The following PRMT1 variants were observed in gnomAD, a reference collection of about 807,000 sequenced individuals.
PRMT1 encodes protein arginine N-methyltransferase 1.
A neutral mutation model predicts 47.4 loss-of-function variants in PRMT1; 5 were observed. The observed-to-expected ratio is 0.11, with a 90% confidence interval of 0.06 to 0.22. The LOEUF (loss-of-function observed/expected upper bound fraction) is 0.22. Ranked by LOEUF, PRMT1 falls within the 10% of genes least tolerant of loss-of-function variation. The pLI is 1.00. For missense variants in PRMT1, 249 were observed against 518.4 expected (o/e 0.48, Z 5.05); for synonymous variants, 227 against 204.6 (o/e 1.11, Z -0.94).
intron 1 of PRMT1, 156 bp from the exon 2 acceptor site, chr19:49,679,716 C>G: frequency 3.0e-6 from 2 of 662,654 alleles, no homozygotes; most frequent in Non-Finnish European, 5.5e-6. Context: ...CTTTCTTAAA[C>G]ACCCCACCTC....
Position 49,684,764 on chromosome 19 carries a change from G to A in PRMT1, c.566G>A (p.Gly189Asp). The change falls in exon 7 of 11, where the codon GGC becomes GAC. Residue 189 changes from glycine (G) to aspartate (D), a missense_variant. This residue lies in a region of PRMT1 where 190 missense variants were observed against 456.7 expected (regional missense o/e 0.42). Transcript: ENST00000454376. The surrounding 1 kb of genome is among the most constrained non-coding windows in gnomAD (Gnocchi z 6.2). ...CCTGCCCCTCTGTAGGCGCCCGATG[G>A]CCTCATCTTCCCAGACCGGGCCACG... is the stretch of plus-strand genomic sequence containing the variant. ...YARDKWLAPD[G>D]LIFPDRATLY... 6.4e-7 allele frequency: 1 copy of A among 1,557,848 alleles called. No individual in the cohort carries two copies. Among genetic ancestry groups the A allele is most frequent in the Non-Finnish European group, 8.7e-7 (1 of 1,150,618 alleles).
Position 49,680,333 on chromosome 19 carries a change from G to C in PRMT1, c.91-154G>C. On this transcript the variant is annotated intron_variant, in intron 2 of 10. Coordinates refer to ENST00000454376, the MANE Select transcript of PRMT1 (RefSeq NM_001536.6). This position sits in a 1 kb window ranked among gnomAD's most constrained non-coding sequence, Gnocchi z 4.2. ...GGGGTTGTTAGGTTTTGGGGTTCCT[G>C]GGGGGGCAAGATGGCAGGCGGGGGC... 1.7e-6 allele frequency: 2 copies of C among 1,181,664 alleles called. No homozygotes were observed. Among genetic ancestry groups the C allele is most frequent in the African/African-American group, 1.5e-5 (1 of 65,926 alleles). 73.2% of individuals were successfully genotyped at this position (1,181,664 alleles called of 1,614,324 possible).
Position 49,684,968 on chromosome 19 carries a change from G to A in PRMT1, c.690G>A (p.Val230=). The part of the protein sequence containing the change: ...YGFDMSCIKD[V]AIKEPLVDVV... ...TCGACATGTCTTGCATCAAAGATGTGGCCATTAAGGAGCCCCTAGTGGATG... is the reference window on the plus strand; with the variant it reads ...TCGACATGTCTTGCATCAAAGATGTAGCCATTAAGGAGCCCCTAGTGGATG... The change falls in exon 8 of 11, where the codon GTG becomes GTA. Residue 230 remains valine, a synonymous_variant. Coordinates refer to ENST00000454376, the MANE Select transcript of PRMT1 (RefSeq NM_001536.6). This position sits in a 1 kb window ranked among gnomAD's most constrained non-coding sequence, Gnocchi z 6.2. 1 of 1,605,418 alleles carries A rather than the reference G, an allele frequency of 6.2e-7. No individual in the cohort carries two copies. The highest frequency in any genetic ancestry group is 8.5e-7 in the Non-Finnish European group (1 of 1,174,316).
chr19:49,677,239 G>GC (rs1161623493), upstream of PRMT1: 2 of 1,414,016 alleles, frequency 1.4e-6, no homozygotes, highest in Non-Finnish European at 9.3e-7. Context: ...GAGGAGAAAG[G>GC]GGGGGTCTTG....
At position 49,681,718 on chromosome 19, in the gene PRMT1, A is replaced by G. The variant is rs960496562; in HGVS notation, c.193-192A>G. On this transcript the variant is annotated intron_variant, in intron 3 of 10. Transcript: ENST00000454376. This position sits in a 1 kb window ranked among gnomAD's most constrained non-coding sequence, Gnocchi z 4.4. The stretch of plus-strand genomic sequence containing the variant: ...GCACCATTGCACTCCAGCCTGGGCA[A>G]CAGAGTGAGATTCCATCTCAAAAAA... Among the ~76,000 whole-genome samples the G allele has an allele frequency of 2.0e-4, 30 of 152,170 alleles. 1 individual carries two copies. Among genetic ancestry groups the G allele is most frequent in the Non-Finnish European group, 4.0e-4 (27 of 68,030 alleles).
At position 49,685,743 on chromosome 19, in the gene PRMT1, T is replaced by G; in HGVS notation, c.760-350T>G. 1.9e-6 allele frequency: 2 copies of G among 1,076,892 alleles called. No individual in the cohort carries two copies. The highest frequency in any genetic ancestry group is 7.6e-5 in the East Asian group (1 of 13,134). 66.7% of individuals were successfully genotyped at this position (1,076,892 alleles called of 1,614,324 possible). A position where few individuals can be genotyped will look rare whatever the true frequency, so the allele number is the denominator to read the frequency against. On this transcript the variant is annotated intron_variant, in intron 8 of 10. Coordinates refer to ENST00000454376, the MANE Select transcript of PRMT1 (RefSeq NM_001536.6). This position sits in a 1 kb window ranked among gnomAD's most constrained non-coding sequence, Gnocchi z 4.7. Reference sequence around the variant, plus strand: ...AACTGGCGCAGGGTTTAGGTTGGCATTTGTGTTGCCGTTTGAAGCCATCAT... The same window carrying G: ...AACTGGCGCAGGGTTTAGGTTGGCAGTTGTGTTGCCGTTTGAAGCCATCAT...
At chr19:49,679,559 G>A in intron 1 of PRMT1, 2 of 657,420 alleles carry the variant, frequency 3.0e-6, no homozygotes, top group Admixed American at 2.0e-5. Context: ...AGCTGGCGGT[G>A]GTGGGTGCCA....
At chr19:49,679,236 C>G (rs986880697) in intron 1 of PRMT1, among the ~76,000 whole-genome samples, 3 of 152,120 alleles carry the variant, frequency 2.0e-5, no homozygotes, top group African/African-American at 7.2e-5. Context: ...TGCCCATCTT[C>G]CCTGGGACCC....
At position 49,682,265 on chromosome 19, in the gene PRMT1, C is replaced by T. The variant is rs2082129950; in HGVS notation, c.412+6C>T. 1.2e-6 allele frequency: 2 copies of T among 1,612,350 alleles called. No homozygotes were observed. The highest frequency in any genetic ancestry group is 1.7e-6 in the Non-Finnish European group (2 of 1,179,648). ...AGCCAACAAGTTAGACCACGGTGAG[C>T]CCAGAAAGAGGATGGGTTTGTGGGA... is the stretch of plus-strand genomic sequence containing the variant. On this transcript the variant is annotated splice_donor_region_variant and intron_variant, in intron 5 of 10. Coordinates refer to ENST00000454376, the MANE Select transcript of PRMT1 (RefSeq NM_001536.6).
rs752053828 is a variant in PRMT1, at chr19:49,683,968, C to T, written c.454C>T (p.Pro152Ser). 3 of 1,613,778 alleles carry T rather than the reference C, an allele frequency of 1.9e-6. No homozygotes were observed. Among genetic ancestry groups the T allele is most frequent in the African/African-American group, 2.7e-5 (2 of 74,826 alleles). ...GGGGAAGGTGGAGGAGGTGGAGCTC[C>T]CAGTGGAGAAGGTGGACATCATCAT... ...IKGKVEEVELPVEKVDIIISE... is the reference protein window; with the variant it reads ...IKGKVEEVELSVEKVDIIISE... The change falls in exon 6 of 11, where the codon CCA becomes TCA. Residue 152 changes from proline to serine, a missense_variant. This residue lies in a region of PRMT1 where 190 missense variants were observed against 456.7 expected (regional missense o/e 0.42). Coordinates refer to ENST00000454376, the MANE Select transcript of PRMT1 (RefSeq NM_001536.6).
At chr19:49,677,248 TGGC>T, upstream of PRMT1, 4 of 1,414,484 alleles carry the variant, frequency 2.8e-6, no homozygotes, top group Non-Finnish European at 2.8e-6. Context: ...GGGGGGGTCT[TGGC>T]GGCCGGAGGA....
chr19:49,680,088 C>T lies in PRMT1; in HGVS notation c.90+163C>T. 1 of 1,082,330 alleles carries T rather than the reference C, an allele frequency of 9.2e-7. No homozygotes were observed. The highest frequency in any genetic ancestry group is 1.4e-5 in the South Asian group (1 of 71,468). 67.0% of individuals were successfully genotyped at this position (1,082,330 alleles called of 1,614,324 possible). On this transcript the variant is annotated intron_variant, in intron 2 of 10. Transcript: ENST00000454376. The surrounding 1 kb of genome is among the most constrained non-coding windows in gnomAD (Gnocchi z 4.2). Reference sequence around the variant, plus strand: ...GTAGCAACCCCTCCAGGTTCACAGCCCCCGCTGGCCTCCCCCAGTATCGCC... The same window carrying T: ...GTAGCAACCCCTCCAGGTTCACAGCTCCCGCTGGCCTCCCCCAGTATCGCC...
intron 1 of PRMT1, 169 bp from the exon 2 acceptor site, chr19:49,679,703 A>T (rs1184513696): frequency 3.5e-5 from 21 of 599,350 alleles, no homozygotes; most frequent in Non-Finnish European, 6.1e-5. Context: ...CACTTTTCCC[A>T]CCCTTTCTTA....
At chr19:49,676,583 G>T (rs528130925), upstream of PRMT1, 59 of 152,354 alleles carry the variant, frequency 3.9e-4, no homozygotes, top group Non-Finnish European at 7.5e-4. Flanking sequence ...CACTTGCTTC[G>T]GGACCCCAGC....
rs796455448 is a variant in PRMT1 at position 49,680,698 on chromosome 19, G to GC, written c.192+116dup. 1.9e-4 allele frequency: 165 copies of GC among 854,754 alleles called. No individual in the cohort carries two copies. The African/African-American group carries it at 2.4e-3, about 12-fold the overall frequency. The allele number at this position is 854,754 out of a possible 1,614,324, so 52.9% of individuals were successfully genotyped here. ...GCACTGCTTCCCCTGGCCGCAGGCC[G>GC]CCCCCCTGCCCCTCTGCTGCGCACT... On this transcript the variant is annotated intron_variant, in intron 3 of 10. Transcript: ENST00000454376. The surrounding 1 kb of genome is among the most constrained non-coding windows in gnomAD (Gnocchi z 4.2).
At position 49,684,214 on chromosome 19, in the gene PRMT1, T is replaced by G. The variant is rs894411333; in HGVS notation, c.555+145T>G. 8.6e-7 allele frequency: 1 copy of G among 1,160,052 alleles called. No homozygotes were observed. The highest frequency in any genetic ancestry group is 1.2e-6 in the Non-Finnish European group (1 of 816,642). The allele number at this position is 1,160,052 out of a possible 1,614,324, so 71.9% of individuals were successfully genotyped here. A position where few individuals can be genotyped will look rare whatever the true frequency, so the allele number is the denominator to read the frequency against. On this transcript the variant is annotated intron_variant, in intron 6 of 10. Transcript: ENST00000454376. This position sits in a 1 kb window ranked among gnomAD's most constrained non-coding sequence, Gnocchi z 6.2. Reference sequence around the variant, plus strand: ...AGAAAGCCACAGCCCAAGCCAGGTGTGACAGACCCTGGAGGGAGATGGTGC... The same window carrying G: ...AGAAAGCCACAGCCCAAGCCAGGTGGGACAGACCCTGGAGGGAGATGGTGC...
In PRMT1 at chr19:49,680,719, G is replaced by A. The variant is rs935530500; in HGVS notation, c.192+131G>A. ...GGCCGCCCCCCTGCCCCTCTGCTGC[G>A]CACTTCCTAGGGTCGCCTCGCCAAG... is the stretch of plus-strand genomic sequence containing the variant. On this transcript the variant is annotated intron_variant, in intron 3 of 10. Coordinates refer to ENST00000454376, the MANE Select transcript of PRMT1 (RefSeq NM_001536.6). This position sits in a 1 kb window ranked among gnomAD's most constrained non-coding sequence, Gnocchi z 4.2. The A allele has an allele frequency of 4.0e-6, 3 of 744,970 alleles. No homozygotes were observed. The highest frequency in any genetic ancestry group is 6.8e-6 in the Non-Finnish European group (3 of 443,420). 46.1% of individuals were successfully genotyped at this position (744,970 alleles called of 1,614,324 possible). A position where few individuals can be genotyped will look rare whatever the true frequency, so the allele number is the denominator to read the frequency against.
Position 49,684,096 on chromosome 19 carries a change from C to T in PRMT1, c.555+27C>T. On this transcript the variant is annotated intron_variant, in intron 6 of 10. Transcript: ENST00000454376. The surrounding 1 kb of genome is among the most constrained non-coding windows in gnomAD (Gnocchi z 6.2). ...TGAGGCCCCAGCGGGACGGGTGCAGCTCGCGTGGGCTGGGGTCCAGGTAGA... is the reference window on the plus strand; with the variant it reads ...TGAGGCCCCAGCGGGACGGGTGCAGTTCGCGTGGGCTGGGGTCCAGGTAGA... The T allele has an allele frequency of 6.2e-7, 1 of 1,612,580 alleles. No individual in the cohort carries two copies. Among genetic ancestry groups the T allele is most frequent in the Non-Finnish European group, 8.5e-7 (1 of 1,178,840 alleles).
rs1457818178 is a variant in PRMT1, at chr19:49,685,733, T to A, written c.760-360T>A. ...GAGCCAGGGGAACTGGCGCAGGGTT[T>A]AGGTTGGCATTTGTGTTGCCGTTTG... On this transcript the variant is annotated intron_variant, in intron 8 of 10. Transcript: ENST00000454376. This position sits in a 1 kb window ranked among gnomAD's most constrained non-coding sequence, Gnocchi z 4.7. 27 of 1,071,498 alleles carry A rather than the reference T, an allele frequency of 2.5e-5. No individual in the cohort carries two copies. Among genetic ancestry groups the A allele is most frequent in the Non-Finnish European group, 2.7e-5 (24 of 883,392 alleles). The allele number at this position is 1,071,498 out of a possible 1,614,324, so 66.4% of individuals were successfully genotyped here. A position where few individuals can be genotyped will look rare whatever the true frequency, so the allele number is the denominator to read the frequency against.
Sources: allele counts gnomAD v4.1 joint callset (sites outside exome capture counted in the v4.1 genomes callset), GRCh38; gene constraint gnomAD v4.1.1; regional missense constraint gnomAD v4.1.1; non-coding constraint Gnocchi (gnomAD v3.1); transcripts MANE v1.5; gene names NCBI Gene and HGNC (gene_info 2026-07-23, HGNC 2026-07-21).